KCNG3: variants seen among roughly 807,000 people sequenced by gnomAD.
KCNG3 encodes the protein potassium voltage-gated channel modifier subfamily G member 3.
Under a neutral mutation model 29.0 loss-of-function variants are expected in KCNG3, and 15 were observed. The ratio of observed to expected loss-of-function variants is 0.52; its 90% CI spans 0.35 to 0.80. The LOEUF is 0.80. KCNG3 is among the 30% of genes least tolerant of loss of function. The probability of loss-of-function intolerance (pLI) is 0.01; values close to 1 mark genes in which losing one functional copy is unlikely to be tolerated. For synonymous variants in KCNG3, 322 were observed against 248.9 expected, an observed-to-expected ratio of 1.29 and a Z score of -2.76; for missense variants, 512 against 605.7, an observed-to-expected ratio of 0.85 and a Z score of 1.62.
intron 1 of KCNG3, among the ~76,000 whole-genome samples, chr2:42,465,053 A>G (rs1324881238): frequency 1.3e-5 from 2 of 152,212 alleles, no homozygotes; most frequent in East Asian, 3.8e-4. Flanking sequence ...AATATTTAGG[A>G]CAAAATGATA....
At chr2:42,390,633 A>C in the KCNG3 span, among the ~76,000 whole-genome samples, 1 of 152,220 alleles carries the variant, frequency 6.6e-6, no homozygotes, top group African/African-American at 2.4e-5. Flanking sequence ...ACTCCTCTGA[A>C]TAAGGCCATT....
rs1287875177 is a variant in KCNG3, at chr2:42,477,388, T to TATACAC, written c.665+15448_665+15449insGTGTAT. On this transcript the variant is annotated intron_variant, in intron 1 of 1. Coordinates refer to ENST00000306078, the MANE Select transcript of KCNG3 (RefSeq NM_133329.6). ...ACATATATATACACACACATATATA[T>TATACAC]ACACACACACACACACACACACACA... is the stretch of plus-strand genomic sequence containing the variant. Among the ~76,000 whole-genome samples, 224 of 104,782 alleles carry TATACAC rather than the reference T, an allele frequency of 2.1e-3. 2 individuals carry two copies. Among genetic ancestry groups the TATACAC allele is most frequent in the African/African-American group, 8.6e-3 (218 of 25,318 alleles). 68.7% of individuals were successfully genotyped at this position (104,782 alleles called of 152,430 possible).
At chr2:42,480,335 A>G (rs1476679203) in intron 1 of KCNG3, among the ~76,000 whole-genome samples, 1 of 152,214 alleles carries the variant, frequency 6.6e-6, no homozygotes, top group Non-Finnish European at 1.5e-5. Context: ...AGCCTTAGGG[A>G]AAGAACGTGC....
the KCNG3 span, among the ~76,000 whole-genome samples, chr2:42,427,739 C>T: frequency 6.6e-6 from 1 of 151,824 alleles, no homozygotes; most frequent in East Asian, 1.9e-4. Context: ...GAATATAATC[C>T]ATAACTTGGT....
intron 1 of KCNG3, among the ~76,000 whole-genome samples, chr2:42,487,347 C>CT (rs60025476): frequency 2.7e-4 from 31 of 116,964 alleles, no homozygotes; most frequent in East Asian, 1.7e-3. Flanking sequence ...TTTTTTCTTT[C>CT]TTTTTTTTTT....
At chr2:42,477,182 ACT>A (rs1393518179) in intron 1 of KCNG3, among the ~76,000 whole-genome samples, 1 of 146,580 alleles carries the variant, frequency 6.8e-6, no homozygotes, top group African/African-American at 2.5e-5. Context: ...ACAGAGCAAG[ACT>A]CTGTTTCAAA....
At chr2:42,405,357 TTC>T in the KCNG3 span, among the ~76,000 whole-genome samples, 1 of 152,194 alleles carries the variant, frequency 6.6e-6, no homozygotes, top group African/African-American at 2.4e-5. Flanking sequence ...TGTGTTTGTT[TTC>T]TGTTTCATCA....
downstream of KCNG3, among the ~76,000 whole-genome samples, chr2:42,439,625 G>A (rs1672433104): frequency 1.4e-5 from 2 of 143,566 alleles, no homozygotes; most frequent in African/African-American, 5.0e-5. Context: ...AAAATACGGG[G>A]AACACCAAAG....
At chr2:42,463,698 G>GAAT (rs1246232631) in intron 1 of KCNG3, 2 of 183,592 alleles carry the variant, frequency 1.1e-5, no homozygotes, top group Non-Finnish European at 2.2e-5. Context: ...GACAAGCGAT[G>GAAT]AATCAAAGGT....
intron 1 of KCNG3, among the ~76,000 whole-genome samples, chr2:42,486,920 A>G (rs1673738991): frequency 6.6e-6 from 1 of 152,192 alleles, no homozygotes; most frequent in South Asian, 2.1e-4. Flanking sequence ...GCACTTTGGG[A>G]GGCAGAGGCA....
chr2:42,415,063 A>C, the KCNG3 span, among the ~76,000 whole-genome samples: 1 of 152,182 alleles, frequency 6.6e-6, no homozygotes, highest in Non-Finnish European at 1.5e-5. Flanking sequence ...GAACCTCCTC[A>C]AACACTTTGT....
chr2:42,416,785 T>TC, the KCNG3 span, among the ~76,000 whole-genome samples: 1 of 148,120 alleles, frequency 6.8e-6, no homozygotes, highest in Non-Finnish European at 1.5e-5. Flanking sequence ...GCCACTGCAC[T>TC]CCAGCCTGGG....
chr2:42,432,944 A>C, the KCNG3 span, among the ~76,000 whole-genome samples: 7 of 146,236 alleles, frequency 4.8e-5, no homozygotes, highest in Non-Finnish European at 9.0e-5. Flanking sequence ...TAAAAAAAAA[A>C]AAAACAAAAA....
chr2:42,459,715 G>A (rs1250206979), intron 1 of KCNG3, among the ~76,000 whole-genome samples: 2 of 152,182 alleles, frequency 1.3e-5, no homozygotes, highest in African/African-American at 4.8e-5. Flanking sequence ...GGTGGCTCAC[G>A]CCTGTAATCC....
chr2:42,487,095 T>G (rs1436383066), intron 1 of KCNG3, among the ~76,000 whole-genome samples: 2 of 145,534 alleles, frequency 1.4e-5, no homozygotes, highest in African/African-American at 2.6e-5. Flanking sequence ...AGGCAGAGGT[T>G]GCAGTGAGCT....
the KCNG3 span, among the ~76,000 whole-genome samples, chr2:42,432,002 G>A: frequency 6.8e-6 from 1 of 146,388 alleles, no homozygotes; most frequent in African/African-American, 2.5e-5. Flanking sequence ...TAATGCCACT[G>A]CACTCCAGCC....
At chr2:42,474,553 A>G (rs1319918702) in intron 1 of KCNG3, among the ~76,000 whole-genome samples, 1 of 152,154 alleles carries the variant, frequency 6.6e-6, no homozygotes, top group Non-Finnish European at 1.5e-5. Context: ...ATATTTTAAA[A>G]ACGGTTATGA....
At chr2:42,475,990 C>T (rs977310045) in intron 1 of KCNG3, among the ~76,000 whole-genome samples, 3 of 152,100 alleles carry the variant, frequency 2.0e-5, no homozygotes, top group Non-Finnish European at 4.4e-5. Context: ...CACTTGAACC[C>T]GGGAGACAGA....
At chr2:42,448,548 G>A (rs1296080156) in intron 1 of KCNG3, among the ~76,000 whole-genome samples, 1 of 151,872 alleles carries the variant, frequency 6.6e-6, no homozygotes, top group Non-Finnish European at 1.5e-5. Context: ...AGGTATATCT[G>A]ATCGATCCAT....
Sources: allele counts gnomAD v4.1 joint callset (sites outside exome capture counted in the v4.1 genomes callset), GRCh38; gene constraint gnomAD v4.1.1; transcripts MANE v1.5; gene names NCBI Gene and HGNC (gene_info 2026-07-23, HGNC 2026-07-21).